The following A1BG variants were observed in gnomAD, a reference collection of about 807,000 sequenced individuals.
The protein encoded by A1BG is alpha-1B-glycoprotein.
A neutral mutation model predicts 46.0 loss-of-function variants in A1BG; 44 were observed. The observed-to-expected ratio is 0.96, with a 90% confidence interval of 0.75 to 1.23. The LOEUF is 1.23. A1BG is among the 50% of genes most tolerant of loss of function. A1BG has a pLI of 0.00. For missense variants in A1BG, 707 were observed against 688.8 expected, an observed-to-expected ratio of 1.03 and a Z score of -0.30; for synonymous variants, 316 against 314.7, an observed-to-expected ratio of 1.00 and a Z score of -0.04.
chr19:58,347,468 G>A lies in A1BG; in HGVS notation c.1365C>T (p.Leu455=). ...GCTGGGGCCCCACGAAGATCAGCTC[G>A]AGGTTCGCCGCGGCCCCGGGGGTGC... ...TVRTPGAAAN[L]ELIFVGPQHA... is the part of the protein sequence containing the mutation. Residue 455 remains leucine, a synonymous_variant, in exon 7 of 8, where the codon CTC becomes CTT. Coordinates refer to ENST00000263100, the MANE Select transcript of A1BG (RefSeq NM_130786.4). 6.2e-7 allele frequency: 1 copy of A among 1,601,938 alleles called. No individual in the cohort carries two copies. The highest frequency in any genetic ancestry group is 8.5e-7 in the Non-Finnish European group (1 of 1,173,144).
chr19:58,352,384 G>T lies in A1BG; in HGVS notation c.512C>A (p.Thr171Asn), dbSNP rs748013615. Reference protein sequence around the residue: ...VPEAQEDVEATFPVHQPGNYS... With the variant: ...VPEAQEDVEANFPVHQPGNYS... ...GTTGCCAGGCTGATGGACTGGAAAG[G>T]TGGCCTCCACATCCTCCTGGGCCTC... Residue 171 changes from threonine (T) to asparagine (N), a missense_variant, in exon 4 of 8, where the codon ACC becomes AAC. By Grantham distance (65) the Thr-to-Asn change is moderately conservative (BLOSUM62 0). Transcript: ENST00000263100. The T allele has an allele frequency of 6.2e-7, 1 of 1,613,990 alleles. No individual in the cohort carries two copies. Among genetic ancestry groups the T allele is most frequent in the East Asian group, 2.2e-5 (1 of 44,876 alleles).
chr19:58,353,020 A>T lies in A1BG; in HGVS notation c.248T>A (p.Leu83Gln), dbSNP rs747803919. 1.9e-5 allele frequency: 31 copies of T among 1,613,992 alleles called. No individual in the cohort carries two copies. In the Admixed American group the frequency reaches 3.8e-4, roughly 20 times the overall value. Residue 83 changes from leucine (L) to glutamine (Q), a missense_variant, in exon 3 of 8, where the codon CTG becomes CAG. Coordinates refer to ENST00000263100, the MANE Select transcript of A1BG (RefSeq NM_130786.4). ...DSPAIKHQFL[L>Q]TGDTQGRYRC... ...GTAGCGGCCCTGGGTGTCACCCGTC[A>T]GCAGGAACTGGTGCTTGATGGCAGG...
At position 58,353,193 on chromosome 19, in the gene A1BG, A is replaced by T; in HGVS notation, c.75T>A (p.Tyr25Ter). 1 of 1,613,670 alleles carries T rather than the reference A, an allele frequency of 6.2e-7. No individual in the cohort carries two copies. Among genetic ancestry groups the T allele is most frequent in the Non-Finnish European group, 8.5e-7 (1 of 1,179,686 alleles). ...CTGCCCACAGGCTGGGCTGCGTCTCATAAACTGCAAGGGGTGGCTGGGATC... is the reference window on the plus strand; with the variant it reads ...CTGCCCACAGGCTGGGCTGCGTCTCTTAAACTGCAAGGGGTGGCTGGGATC... ...WGPVTEAAIF[Y>*]ETQPSLWAES... The change falls in exon 3 of 8, where the codon TAT becomes TAA. Residue 25 changes from tyrosine (Y) to a stop codon, truncating the protein, a stop_gained. Coordinates refer to ENST00000263100, the MANE Select transcript of A1BG (RefSeq NM_130786.4). LOFTEE classifies it high-confidence loss of function.
rs1257228865 is a variant in A1BG, at chr19:58,347,468, G to C, written c.1365C>G (p.Leu455=). The C allele has an allele frequency of 6.2e-7, 1 of 1,601,938 alleles. No homozygotes were observed. Among genetic ancestry groups the C allele is most frequent in the Non-Finnish European group, 8.5e-7 (1 of 1,173,144 alleles). The part of the protein sequence containing the change: ...TVRTPGAAAN[L]ELIFVGPQHA... Reference sequence around the variant, plus strand: ...GCTGGGGCCCCACGAAGATCAGCTCGAGGTTCGCCGCGGCCCCGGGGGTGC... The same window carrying C: ...GCTGGGGCCCCACGAAGATCAGCTCCAGGTTCGCCGCGGCCCCGGGGGTGC... Residue 455 remains leucine, a synonymous_variant, in exon 7 of 8, where the codon CTC becomes CTG. Transcript: ENST00000263100.
intron 4 of A1BG, 158 bp from the exon 5 acceptor site, chr19:58,351,845 G>A (rs2051962731): frequency 5.0e-6 from 4 of 799,230 alleles, no homozygotes; most frequent in Non-Finnish European, 7.6e-6. Context: ...TGCCCAGGCT[G>A]GAGTGCAGTG....
chr19:58,348,347 G>C (rs538803521), intron 6 of A1BG: 1 of 152,204 alleles, frequency 6.6e-6, no homozygotes, highest in South Asian at 2.1e-4. Flanking sequence ...GTGACACTCC[G>C]TCTCAAAAAC....
At chr19:58,352,178 C>A (rs760433660) in intron 4 of A1BG, 105 bp downstream of exon 4, 2 of 1,531,626 alleles carry the variant, frequency 1.3e-6, no homozygotes, top group East Asian at 4.5e-5. Context: ...GCTTCCTGGA[C>A]CTGGTCCTGG....
Position 58,350,416 on chromosome 19 carries a change from A to T in A1BG, c.1146T>A (p.Pro382=), listed in dbSNP as rs560248108. 5.9e-5 allele frequency: 91 copies of T among 1,550,300 alleles called. No homozygotes were observed. The highest frequency in any genetic ancestry group is 3.9e-4 in the Admixed American group (20 of 51,084). Residue 382 remains proline, a synonymous_variant, in exon 6 of 8, where the codon CCT becomes CCA. Coordinates refer to ENST00000263100, the MANE Select transcript of A1BG (RefSeq NM_130786.4). The part of the protein sequence containing the change: ...YSCVYVDLKP[P]FGGSAPSERL... ...GCTCGCTGGGCGCGGAGCCCCCGAA[A>T]GGCGGCTTCAGGTCCACGTAGACGC... is the stretch of plus-strand genomic sequence containing the variant.
chr19:58,347,665 G>T, intron 6 of A1BG, 25 bp from the exon 7 acceptor site: 2 of 1,230,568 alleles, frequency 1.6e-6, no homozygotes, highest in Non-Finnish European at 2.1e-6. Flanking sequence ...CGGGTGGTCG[G>T]GCCAGGCCAC....
chr19:58,348,711 T>C (rs2051933204), intron 6 of A1BG: 1 of 152,258 alleles, frequency 6.6e-6, no homozygotes, highest in Non-Finnish European at 1.5e-5. Flanking sequence ...AATCATAATG[T>C]TAATTTTTAC....
At chr19:58,353,251 G>C (rs367666564) in intron 2 of A1BG, 41 bp downstream of exon 2, 468 of 1,613,556 alleles carry the variant, frequency 2.9e-4, no homozygotes, top group African/African-American at 2.4e-3. Context: ...GCTCCCCCCC[G>C]GCCTGGGCCC....
Position 58,350,555 on chromosome 19 carries a change from A to C in A1BG, c.1007T>G (p.Leu336Arg), listed in dbSNP as rs756511381. Residue 336 changes from leucine to arginine, a missense_variant, in exon 6 of 8, where the codon CTG becomes CGG. Coordinates refer to ENST00000263100, the MANE Select transcript of A1BG (RefSeq NM_130786.4). ...GCGCCCGCCCCTGTCCTCGCGCACCAGGGCGAAGCGCGCGCCCTCCAGGGG... is the reference window on the plus strand; with the variant it reads ...GCGCCCGCCCCTGTCCTCGCGCACCCGGGCGAAGCGCGCGCCCTCCAGGGG... ...LAPLEGARFA[L>R]VREDRGGRRV... 1 of 1,546,472 alleles carries C rather than the reference A, an allele frequency of 6.5e-7. No individual in the cohort carries two copies. Among genetic ancestry groups the C allele is most frequent in the Non-Finnish European group, 8.7e-7 (1 of 1,144,952 alleles).
chr19:58,353,248 C>T (rs73939631), intron 2 of A1BG, 44 bp downstream of exon 2: 26 of 1,613,720 alleles, frequency 1.6e-5, no homozygotes, highest in African/African-American at 2.7e-5. Flanking sequence ...AGGGCTCCCC[C>T]CCGGCCTGGG....
chr19:58,351,240 G>T (rs2051954913), intron 5 of A1BG, 151 bp downstream of exon 5: 20 of 942,120 alleles, frequency 2.1e-5, no homozygotes, highest in Non-Finnish European at 3.1e-5. Context: ...CATCATATTT[G>T]CAGTTTAGGA....
chr19:58,352,652 G>A (rs2051972531), intron 3 of A1BG, 97 bp from the exon 4 acceptor site: 2 of 1,447,226 alleles, frequency 1.4e-6, no homozygotes, highest in East Asian at 4.5e-5. Context: ...CTGTGAAGGA[G>A]ACAGGGATGG....
Position 58,352,982 on chromosome 19 carries a change from C to A in A1BG, c.286G>T (p.Gly96Cys). The A allele has an allele frequency of 6.2e-7, 1 of 1,614,010 alleles. No homozygotes were observed. The highest frequency in any genetic ancestry group is 1.1e-5 in the South Asian group (1 of 91,086). The change falls in exon 3 of 8, where the codon GGC becomes TGC. Residue 96 changes from glycine to cysteine, a missense_variant. Transcript: ENST00000263100. The stretch of plus-strand genomic sequence containing the variant: ...AGCTGGGTCCATCCTGTGGACAAGC[C>A]CGAGCGGCAGCGGTAGCGGCCCTGG... The part of the protein sequence containing the change: ...DTQGRYRCRS[G>C]LSTGWTQLSK...
Position 58,353,410 on chromosome 19 carries a change from G to A in A1BG, c.28C>T (p.Leu10=), listed in dbSNP as rs368420654. MSMLVVFLL[L]WGVTWGPVTE... ...AGACCCCAGGAGGCCTCACCCCACA[G>A]CAAGAGAAAGACCACGAGCATGGAC... Residue 10 remains leucine (L), a synonymous_variant, in exon 1 of 8, where the codon CTG becomes TTG. Transcript: ENST00000263100. The A allele has an allele frequency of 2.5e-5, 40 of 1,612,182 alleles. No homozygotes were observed. In the African/African-American group the frequency reaches 4.4e-4, roughly 18 times the overall value.
intron 6 of A1BG, chr19:58,348,365 C>G (rs1302774984): frequency 6.6e-6 from 1 of 152,010 alleles, no homozygotes; most frequent in Non-Finnish European, 1.5e-5. Flanking sequence ...AACAAACAAA[C>G]AAAACAAAAC....
In A1BG at chr19:58,346,922, C is replaced by A; in HGVS notation, c.*100G>T. On this transcript the variant is annotated 3_prime_UTR_variant, in exon 8 of 8. Transcript: ENST00000263100. ...AATGAGGGAGGCTTCTCCAGCCCCC[C>A]AGAGACCCCGGCCTTGTGCTGCAAC... 7.6e-7 allele frequency: 1 copy of A among 1,307,886 alleles called. No homozygotes were observed. Among genetic ancestry groups the A allele is most frequent in the Non-Finnish European group, 1.1e-6 (1 of 900,792 alleles). 81.0% of individuals were successfully genotyped at this position (1,307,886 alleles called of 1,614,324 possible). A position where few individuals can be genotyped will look rare whatever the true frequency, so the allele number is the denominator to read the frequency against.
Sources: gnomAD v4.1 joint callset for allele counts on GRCh38, gnomAD v4.1.1 for gene constraint, MANE v1.5 for transcripts, NCBI Gene and HGNC (gene_info 2026-07-23, HGNC 2026-07-21) for gene names.